Variants in ENPP6 observed in about 807,000 individuals in gnomAD.
ENPP6 encodes the protein ectonucleotide pyrophosphatase/phosphodiesterase 6, also known as glycerophosphocholine cholinephosphodiesterase ENPP6.
A neutral mutation model predicts 42.0 loss-of-function variants in ENPP6; 32 were observed. The observed-to-expected ratio is 0.76, with a 90% CI of 0.58 to 1.02. The LOEUF (loss-of-function observed/expected upper bound fraction) is 1.02. ENPP6 is among the 50% of genes least tolerant of loss of function. The pLI is 0.00. For missense variants in ENPP6, 552 were observed against 566.8 expected, an observed-to-expected ratio of 0.97 and a Z score of 0.27; for synonymous variants, 213 against 216.0, an observed-to-expected ratio of 0.99 and a Z score of 0.12.
chr4:184,139,282 T>C (rs1412884487), intron 2 of ENPP6, among the ~76,000 whole-genome samples: 1 of 152,080 alleles, frequency 6.6e-6, no homozygotes, highest in Non-Finnish European at 1.5e-5. Context: ...GAGAGCAGTT[T>C]CAGATTTAGC....
chr4:184,175,845 C>T (rs998042115), intron 1 of ENPP6, among the ~76,000 whole-genome samples: 1 of 152,212 alleles, frequency 6.6e-6, no homozygotes, highest in Non-Finnish European at 1.5e-5. Context: ...ACGTCTTGGC[C>T]TGCTAGGTGC....
chr4:184,176,896 T>G (rs1182581221), intron 1 of ENPP6, among the ~76,000 whole-genome samples: 1 of 152,152 alleles, frequency 6.6e-6, no homozygotes, highest in Admixed American at 6.5e-5. Context: ...ACTACAACCT[T>G]CTGAAGCTCC....
chr4:184,151,717 A>T lies in ENPP6; in HGVS notation c.421+1837T>A, dbSNP rs528216681. ...TCCATTCCCTCTGCTATGCCTGTGTATGAATTTGTTGATAATAATGCCTCT... is the reference window on the plus strand; with the variant it reads ...TCCATTCCCTCTGCTATGCCTGTGTTTGAATTTGTTGATAATAATGCCTCT... On this transcript the variant is annotated intron_variant, in intron 2 of 7. Coordinates refer to ENST00000296741, the MANE Select transcript of ENPP6 (RefSeq NM_153343.4). Among the ~76,000 whole-genome samples, 6 of 152,296 alleles carry T rather than the reference A, an allele frequency of 3.9e-5. No homozygotes were observed. In the East Asian group the frequency reaches 9.6e-4, roughly 24 times the overall value.
chr4:184,202,748 T>C (rs1732925237), intron 1 of ENPP6, among the ~76,000 whole-genome samples: 1 of 152,210 alleles, frequency 6.6e-6, no homozygotes, highest in Non-Finnish European at 1.5e-5. Flanking sequence ...GCCACGCACA[T>C]GAGTGAGGAA....
rs561375505 is a variant in ENPP6 at position 184,164,606 on chromosome 4, C to T, written c.242-10873G>A. 8.5e-5 allele frequency among the ~76,000 whole-genome samples: 13 copies of T among 152,284 alleles called. 1 individual carries two copies. Among genetic ancestry groups the T allele is most frequent in the African/African-American group, 2.9e-4 (12 of 41,562 alleles). On this transcript the variant is annotated intron_variant, in intron 1 of 7. Coordinates refer to ENST00000296741, the MANE Select transcript of ENPP6 (RefSeq NM_153343.4). ...AACCAAGGAATTTTCAGAGGGAGCA[C>T]GCCCCATCCACACCTTAATTTCTGA...
chr4:184,131,175 T>TTCTC, intron 2 of ENPP6, among the ~76,000 whole-genome samples: 1 of 60,030 alleles, frequency 1.7e-5, no homozygotes, highest in Admixed American at 1.4e-4. Context: ...CTTTCTTTCT[T>TTCTC]TCTTTCTTTC....
chr4:184,115,249 G>A (rs889947640), intron 5 of ENPP6, among the ~76,000 whole-genome samples: 3 of 152,136 alleles, frequency 2.0e-5, no homozygotes, highest in African/African-American at 7.2e-5. Flanking sequence ...CAACCTCCAG[G>A]GGCAGCAGGT....
chr4:184,119,312 GGTGT>G lies in ENPP6; in HGVS notation c.534-1416_534-1413del, dbSNP rs6148837. 3.8e-3 allele frequency among the ~76,000 whole-genome samples: 554 copies of G among 144,100 alleles called. 5 individuals are homozygous for G. The highest frequency in any genetic ancestry group is 0.014 in the African/African-American group (520 of 38,260). 94.5% of individuals were successfully genotyped at this position (144,100 alleles called of 152,430 possible). ...ATCATTCTCCATCCTTCTGTTTCTT[GGTGT>G]GTGTGTGTGTGTGTGTGTGTGTGTG... On this transcript the variant is annotated intron_variant, in intron 3 of 7. Transcript: ENST00000296741.
intron 6 of ENPP6, among the ~76,000 whole-genome samples, chr4:184,098,542 T>G (rs1735948920): frequency 6.6e-6 from 1 of 152,222 alleles, no homozygotes; most frequent in South Asian, 2.1e-4. Flanking sequence ...CCTCCGTTAA[T>G]GAGCACACTG....
rs62340127 is a variant in ENPP6, at chr4:184,142,108, C to T, written c.421+11446G>A. On this transcript the variant is annotated intron_variant, in intron 2 of 7. Transcript: ENST00000296741. ...TCGGGTCTAGCTCTGGTACTTTCCA[C>T]TGTGCGCACTGCCTTCCTGAAGGAG... Among the ~76,000 whole-genome samples the T allele has an allele frequency of 9.5e-3, 1,453 of 152,342 alleles. 7 individuals are homozygous for T. The highest frequency in any genetic ancestry group is 0.016 in the Non-Finnish European group (1,084 of 68,026).
At chr4:184,201,852 C>T (rs1193240971) in intron 1 of ENPP6, among the ~76,000 whole-genome samples, 1 of 152,076 alleles carries the variant, frequency 6.6e-6, no homozygotes, top group East Asian at 1.9e-4. Flanking sequence ...AATCGAGGCT[C>T]ATTACAGAGA....
intron 1 of ENPP6, among the ~76,000 whole-genome samples, chr4:184,216,171 C>T (rs1354650728): frequency 3.9e-5 from 6 of 152,160 alleles, no homozygotes; most frequent in South Asian, 2.1e-4. Context: ...GAGCTGGAGT[C>T]GGCTGTCCAC....
In ENPP6 at chr4:184,101,251, GTGTT is replaced by G. The variant is rs1340502335; in HGVS notation, c.994-3887_994-3884del. Among the ~76,000 whole-genome samples, 5 of 152,008 alleles carry G rather than the reference GTGTT, an allele frequency of 3.3e-5. No individual in the cohort carries two copies. In the East Asian group the frequency reaches 9.6e-4, roughly 29 times the overall value. ...TGTGTGCGTGTGTATATGTGAGTGT[GTGTT>G]TATGTGTGTCTGTGTTGCACGTGTG... On this transcript the variant is annotated intron_variant, in intron 6 of 7. Coordinates refer to ENST00000296741, the MANE Select transcript of ENPP6 (RefSeq NM_153343.4).
At chr4:184,135,679 C>CA (rs1177669073) in intron 2 of ENPP6, among the ~76,000 whole-genome samples, 1 of 110,708 alleles carries the variant, frequency 9.0e-6, no homozygotes, top group Non-Finnish European at 2.0e-5. Context: ...AACATAGGTG[C>CA]AAAAAAGTGA....
At chr4:184,122,039 TC>T (rs1343641640) in intron 3 of ENPP6, among the ~76,000 whole-genome samples, 1 of 152,158 alleles carries the variant, frequency 6.6e-6, no homozygotes, top group Non-Finnish European at 1.5e-5. Flanking sequence ...GTCAAGAGCT[TC>T]CTAGCTTTAG....
intron 1 of ENPP6, among the ~76,000 whole-genome samples, chr4:184,189,251 C>T (rs1034099868): frequency 6.6e-6 from 1 of 152,150 alleles, no homozygotes; most frequent in Non-Finnish European, 1.5e-5. Flanking sequence ...TGTGTTGAAA[C>T]CAGAGGGGAT....
intron 1 of ENPP6, among the ~76,000 whole-genome samples, chr4:184,154,699 A>G (rs1291912281): frequency 6.6e-6 from 1 of 152,206 alleles, no homozygotes; most frequent in Non-Finnish European, 1.5e-5. Flanking sequence ...CTTTCATTTC[A>G]TCCCAGAAAG....
chr4:184,097,497 C>T (rs1735932325), intron 6 of ENPP6, 129 bp from the exon 7 acceptor site: 3 of 1,343,540 alleles, frequency 2.2e-6, no homozygotes, highest in Non-Finnish European at 3.0e-6. Flanking sequence ...CAGACTGACC[C>T]AACCTCCGCT....
chr4:184,090,857 A>G lies in ENPP6; in HGVS notation c.*320T>C, dbSNP rs1187849249. ...AGAGCCACGTCTGTCTGCAATAACC[A>G]CTCCAAGTTTGGTTGCTGCAGGAGC... is the stretch of plus-strand genomic sequence containing the variant. On this transcript the variant is annotated 3_prime_UTR_variant, in exon 8 of 8. Coordinates refer to ENST00000296741, the MANE Select transcript of ENPP6 (RefSeq NM_153343.4). 3 of 434,348 alleles carry G rather than the reference A, an allele frequency of 6.9e-6. No individual in the cohort carries two copies. Among genetic ancestry groups the G allele is most frequent in the Non-Finnish European group, 1.2e-5 (3 of 247,918 alleles). 26.9% of individuals were successfully genotyped at this position (434,348 alleles called of 1,614,324 possible). A position where few individuals can be genotyped will look rare whatever the true frequency, so the allele number is the denominator to read the frequency against.
Sources: allele counts gnomAD v4.1 joint callset (sites outside exome capture counted in the v4.1 genomes callset), GRCh38; gene constraint gnomAD v4.1.1; transcripts MANE v1.5; gene names NCBI Gene and HGNC (gene_info 2026-07-23, HGNC 2026-07-21).